RGS18: variants seen among roughly 807,000 people sequenced by gnomAD.
RGS18 encodes regulator of G-protein signaling 18.
In RGS18, 22 loss-of-function variants were observed where a neutral mutation model predicts 27.6. The observed-to-expected ratio is 0.80, with a 90% CI of 0.57 to 1.14. The LOEUF (loss-of-function observed/expected upper bound fraction) is 1.14. Ranked by LOEUF, RGS18 falls within the 50% of genes most tolerant of loss-of-function variation. The pLI is 0.00. For missense variants in RGS18, 299 were observed against 269.6 expected (o/e 1.11, Z -0.76); for synonymous variants, 89 against 84.6 (o/e 1.05, Z -0.29).
chr1:192,160,485 T>C (rs776976977), intron 3 of RGS18, 46 bp downstream of exon 3: 69 of 1,357,374 alleles, frequency 5.1e-5, no homozygotes, highest in African/African-American at 8.5e-5. Context: ...AATGGAAAAT[T>C]ACACAAACTA....
chr1:192,164,688 C>G (rs1656133403), intron 3 of RGS18, among the ~76,000 whole-genome samples: 1 of 152,110 alleles, frequency 6.6e-6, no homozygotes. Context: ...TGTGGGAAGT[C>G]AGGGACCCCG....
chr1:192,161,118 G>C (rs1188786630), intron 3 of RGS18, among the ~76,000 whole-genome samples: 2 of 152,154 alleles, frequency 1.3e-5, no homozygotes, highest in Non-Finnish European at 2.9e-5. Flanking sequence ...CCAAAGTGCT[G>C]GGATTACAGG....
intron 1 of RGS18, among the ~76,000 whole-genome samples, 176 bp from the exon 2 acceptor site, chr1:192,159,044 A>T (rs1368490896): frequency 1.3e-5 from 2 of 152,182 alleles, no homozygotes; most frequent in African/African-American, 4.8e-5. Flanking sequence ...CAAAAGGAGA[A>T]ACATTTTCGT....
chr1:192,166,573 G>C (rs1038571300), intron 3 of RGS18, among the ~76,000 whole-genome samples: 1 of 151,506 alleles, frequency 6.6e-6, no homozygotes, highest in Non-Finnish European at 1.5e-5. Flanking sequence ...TCAAAGTAAG[G>C]ACCCGCTTAG....
intron 3 of RGS18, among the ~76,000 whole-genome samples, chr1:192,170,737 A>G (rs1656241281): frequency 6.6e-6 from 1 of 152,098 alleles, no homozygotes. Flanking sequence ...ACATAATGGA[A>G]AAGAAATAAA....
At chr1:192,161,440 T>G (rs375064148) in intron 3 of RGS18, 1 of 152,218 alleles carries the variant, frequency 6.6e-6, no homozygotes, top group South Asian at 2.1e-4. Context: ...ATTCATTTTA[T>G]GCTTTCTTTC....
At chr1:192,164,852 T>C (rs574863497) in intron 3 of RGS18, among the ~76,000 whole-genome samples, 2 of 152,320 alleles carry the variant, frequency 1.3e-5, no homozygotes, top group African/African-American at 4.8e-5. Context: ...TGAGGATGTA[T>C]GTTGCCTCAG....
intron 4 of RGS18, among the ~76,000 whole-genome samples, chr1:192,183,929 G>T (rs1477960365): frequency 6.6e-6 from 1 of 151,564 alleles, no homozygotes; most frequent in Non-Finnish European, 1.5e-5. Flanking sequence ...AAAAGGCAGA[G>T]GGGGAGCAGT....
At chr1:192,178,293 G>A (rs530141669) in intron 3 of RGS18, among the ~76,000 whole-genome samples, 46 of 151,712 alleles carry the variant, frequency 3.0e-4, no homozygotes, top group African/African-American at 1.1e-3. Flanking sequence ...GACTAATTCA[G>A]TGGTCAATTC....
chr1:192,180,013 A>G (rs761937072), intron 3 of RGS18, among the ~76,000 whole-genome samples: 1 of 151,548 alleles, frequency 6.6e-6, no homozygotes, highest in African/African-American at 2.4e-5. Flanking sequence ...TAAATCTATA[A>G]TTTTCTCAAA....
At position 192,185,299 on chromosome 1, in the gene RGS18, A is replaced by G. The variant is rs1263202385; in HGVS notation, c.*745A>G. The stretch of plus-strand genomic sequence containing the variant: ...ACATGACCAGATTTTGCATATCTCC[A>G]GGTAGGGAACTAAGTAGACTACCTT... On this transcript the variant is annotated 3_prime_UTR_variant, in exon 5 of 5. Transcript: ENST00000367460. The G allele has an allele frequency of 6.6e-6, 1 of 151,680 alleles. No individual in the cohort carries two copies. Among genetic ancestry groups the G allele is most frequent in the Non-Finnish European group, 1.5e-5 (1 of 67,748 alleles). The allele number at this position is 151,680 out of a possible 1,614,324, so 9.4% of individuals were successfully genotyped here. A position where few individuals can be genotyped will look rare whatever the true frequency, so the allele number is the denominator to read the frequency against.
intron 3 of RGS18, among the ~76,000 whole-genome samples, chr1:192,161,836 A>C (rs1656078328): frequency 6.6e-6 from 1 of 152,192 alleles, no homozygotes; most frequent in South Asian, 2.1e-4. Context: ...ATGTAACAAC[A>C]ACTTTTCTTT....
rs546498351 is a variant in RGS18, at chr1:192,161,475, G to A, written c.283+1036G>A. 3 of 152,284 alleles carry A rather than the reference G, an allele frequency of 2.0e-5. No homozygotes were observed. In the East Asian group the frequency reaches 5.8e-4, roughly 29 times the overall value. The allele number at this position is 152,284 out of a possible 1,614,324, so 9.4% of individuals were successfully genotyped here. ...CAGATAGAAAGACTCAACTGAGCAG[G>A]TGATGCAGCTAGGTAATCACAGATT... is the stretch of plus-strand genomic sequence containing the variant. On this transcript the variant is annotated intron_variant, in intron 3 of 4. Transcript: ENST00000367460.
intron 3 of RGS18, among the ~76,000 whole-genome samples, chr1:192,163,102 C>G (rs1230604449): frequency 1.3e-5 from 2 of 152,084 alleles, no homozygotes; most frequent in East Asian, 1.9e-4. Flanking sequence ...TCAGCTTCCT[C>G]GACTGTAAAT....
intron 3 of RGS18, among the ~76,000 whole-genome samples, chr1:192,174,794 G>A (rs1656330712): frequency 6.6e-6 from 1 of 151,726 alleles, no homozygotes; most frequent in Non-Finnish European, 1.5e-5. Flanking sequence ...TTCATTTAAT[G>A]TGTCTCTTGT....
chr1:192,160,299 TA>T, intron 2 of RGS18, 78 bp from the exon 3 acceptor site: 1 of 746,134 alleles, frequency 1.3e-6, no homozygotes, highest in South Asian at 2.2e-5. Context: ...AAAAGAGCAG[TA>T]AAATAGCATA....
Position 192,183,390 on chromosome 1 carries a change from A to T in RGS18, c.451-907A>T, listed in dbSNP as rs149656813. On this transcript the variant is annotated intron_variant, in intron 4 of 4. Coordinates refer to ENST00000367460, the MANE Select transcript of RGS18 (RefSeq NM_130782.3). The stretch of plus-strand genomic sequence containing the variant: ...GAATAAAGAGAAGCCCCACATTAAA[A>T]TCTCAAATATGCCCCAGCTCATTTT... 1.9e-3 allele frequency among the ~76,000 whole-genome samples: 292 copies of T among 151,790 alleles called. 3 individuals are homozygous for T. The highest frequency in any genetic ancestry group is 6.6e-3 in the African/African-American group (273 of 41,480).
chr1:192,179,531 C>CT (rs1656414292), intron 3 of RGS18, among the ~76,000 whole-genome samples: 1 of 150,370 alleles, frequency 6.7e-6, no homozygotes, highest in Non-Finnish European at 1.5e-5. Flanking sequence ...TTTGTAATAA[C>CT]TGAAAAAAAA....
intron 3 of RGS18, among the ~76,000 whole-genome samples, chr1:192,180,508 G>A (rs1014159643): frequency 2.6e-5 from 4 of 151,552 alleles, no homozygotes; most frequent in African/African-American, 9.7e-5. Flanking sequence ...GTGAAAAAGA[G>A]GTCCCATGCT....
Sources: allele counts gnomAD v4.1 joint callset (sites outside exome capture counted in the v4.1 genomes callset), GRCh38; gene constraint gnomAD v4.1.1; transcripts MANE v1.5; gene names NCBI Gene and HGNC (gene_info 2026-07-23, HGNC 2026-07-21).